LPIN2: variants seen among roughly 807,000 people sequenced by gnomAD.
The protein encoded by LPIN2 is phosphatidate phosphatase LPIN2.
In LPIN2, 55 loss-of-function variants were observed where a neutral mutation model predicts 111.4. That is an observed-to-expected ratio of 0.49 (90% CI 0.40 to 0.62). LPIN2 has a LOEUF of 0.62. Among genes scored for constraint, LPIN2 ranks in the 20% least tolerant of loss-of-function variants. LPIN2 has a pLI of 0.00. For missense variants in LPIN2, 992 were observed against 1,112.1 expected, an observed-to-expected ratio of 0.89 and a Z score of 1.54; for synonymous variants, 425 against 414.0, an observed-to-expected ratio of 1.03 and a Z score of -0.32.
chr18:2,995,535 T>C (rs532716381), intron 1 of LPIN2, among the ~76,000 whole-genome samples: 2 of 152,356 alleles, frequency 1.3e-5, no homozygotes, highest in East Asian at 1.9e-4. Context: ...ATTCCACTGA[T>C]ACACCACTGT....
At chr18:2,968,998 A>G (rs2077858347) in intron 1 of LPIN2, among the ~76,000 whole-genome samples, 1 of 152,224 alleles carries the variant, frequency 6.6e-6, no homozygotes, top group Non-Finnish European at 1.5e-5. Flanking sequence ...TGACTGTTGC[A>G]TGAACCAACT....
chr18:2,942,436 T>C (rs747182586), intron 4 of LPIN2, among the ~76,000 whole-genome samples: 23 of 152,180 alleles, frequency 1.5e-4, no homozygotes, highest in Non-Finnish European at 3.2e-4. Flanking sequence ...GTGAAAGTGG[T>C]CTGAAAAGAA....
intron 1 of LPIN2, among the ~76,000 whole-genome samples, chr18:2,999,701 T>A (rs1182934059): frequency 4.4e-4 from 67 of 151,544 alleles, no homozygotes. Context: ...GGGTGATGCA[T>A]CTGCAAGCCA....
rs371197584 is a variant in LPIN2, at chr18:2,937,812, G to A, written c.1048C>T (p.Leu350Phe). 11 of 1,614,126 alleles carry A rather than the reference G, an allele frequency of 6.8e-6. No individual in the cohort carries two copies. The highest frequency in any genetic ancestry group is 1.7e-5 in the Admixed American group (1 of 60,022). ...TSVAELLEPP[L>F]ESTQISSMLD... is the part of the protein sequence containing the mutation. ...ATAGATGAAATCTGAGTACTCTCAA[G>A]AGGAGGTTCGAGAAGCTCTGCCACA... The change falls in exon 7 of 20, where the codon CTT (leucine) becomes TTT (phenylalanine). Residue 350 changes from leucine (L) to phenylalanine (F), a missense_variant. Physicochemically the swap from Leu to Phe is conservative, Grantham distance 22. Transcript: ENST00000677752.
At chr18:2,958,001 G>T (rs1327503642) in intron 2 of LPIN2, among the ~76,000 whole-genome samples, 1 of 151,024 alleles carries the variant, frequency 6.6e-6, no homozygotes, top group Non-Finnish European at 1.5e-5. Flanking sequence ...AAGCAGCCAG[G>T]CGTGGTAGCA....
intron 2 of LPIN2, among the ~76,000 whole-genome samples, chr18:2,956,629 C>A (rs1240274200): frequency 6.6e-6 from 1 of 152,172 alleles, no homozygotes; most frequent in Non-Finnish European, 1.5e-5. Context: ...CAAACTGGGA[C>A]AATCTGAGCA....
intron 12 of LPIN2, 57 bp from the exon 13 acceptor site, chr18:2,926,862 G>T: frequency 7.4e-7 from 1 of 1,356,270 alleles, no homozygotes; most frequent in Non-Finnish European, 1.0e-6. Flanking sequence ...GATAAGCCAA[G>T]TTCATCAGCA....
chr18:2,995,972 T>C (rs2078334347), intron 1 of LPIN2, among the ~76,000 whole-genome samples: 1 of 152,216 alleles, frequency 6.6e-6, no homozygotes, highest in Non-Finnish European at 1.5e-5. Flanking sequence ...AGCTTCCTTA[T>C]TACATGTGTA....
chr18:2,967,386 T>C (rs1321037394), intron 1 of LPIN2, among the ~76,000 whole-genome samples: 1 of 152,094 alleles, frequency 6.6e-6, no homozygotes, highest in Non-Finnish European at 1.5e-5. Context: ...CCAATATGAA[T>C]CTGGGGGGGA....
intron 1 of LPIN2, chr18:2,990,784 G>A: frequency 2.6e-6 from 1 of 379,022 alleles, no homozygotes; most frequent in South Asian, 2.1e-5. Context: ...GAGCCTGACT[G>A]ACAAAATAAG....
In LPIN2 at chr18:2,924,409, C is replaced by T. The variant is rs781016213; in HGVS notation, c.2076G>A (p.Gly692=). Residue 692 remains glycine (G), a synonymous_variant, in exon 15 of 20, where the codon GGG becomes GGA. Coordinates refer to ENST00000677752, the MANE Select transcript of LPIN2 (RefSeq NM_001375808.2). ...AGGATTGAGCTTACTTGGTTATTGT[C>T]CCATCAATATCAGAAATGATGATCT... ...NDKIIISDID[G]TITKSDALGQ... is the part of the protein sequence containing the mutation. 6.2e-7 allele frequency: 1 copy of T among 1,614,154 alleles called. No homozygotes were observed. The highest frequency in any genetic ancestry group is 1.1e-5 in the South Asian group (1 of 91,078).
In LPIN2 at chr18:2,934,529, A is replaced by G. The variant is rs187730930; in HGVS notation, c.1169-79T>C. 3.4e-6 allele frequency: 3 copies of G among 892,778 alleles called. No individual in the cohort carries two copies. The Admixed American group carries it at 5.4e-5, about 16-fold the overall frequency. The allele number at this position is 892,778 out of a possible 1,614,324, so 55.3% of individuals were successfully genotyped here. The stretch of plus-strand genomic sequence containing the variant: ...CTGCAAAACACACGCACGTTTGCAA[A>G]CAGTAAGAGTGACAAGCAGGATTTG... On this transcript the variant is annotated intron_variant, in intron 7 of 19. Coordinates refer to ENST00000677752, the MANE Select transcript of LPIN2 (RefSeq NM_001375808.2).
chr18:2,934,329 C>T (rs888837277), intron 8 of LPIN2, 22 bp downstream of exon 8: 2 of 1,479,034 alleles, frequency 1.4e-6, no homozygotes, highest in Non-Finnish European at 1.9e-6. Context: ...AGCTGTCCTT[C>T]AATAAATAAG....
chr18:3,004,545 T>C (rs1185786316), intron 1 of LPIN2, among the ~76,000 whole-genome samples: 1 of 152,134 alleles, frequency 6.6e-6, no homozygotes, highest in Non-Finnish European at 1.5e-5. Flanking sequence ...TAAGGATCCT[T>C]CTACTCACAG....
intron 2 of LPIN2, among the ~76,000 whole-genome samples, chr18:2,958,606 G>A (rs1366652383): frequency 1.3e-5 from 2 of 152,090 alleles, no homozygotes; most frequent in African/African-American, 4.8e-5. Context: ...TAAATCAAAT[G>A]GCCAAATTTC....
chr18:2,920,616 TCAAA>T (rs1311257302), intron 19 of LPIN2, among the ~76,000 whole-genome samples, 158 bp downstream of exon 19: 1 of 152,066 alleles, frequency 6.6e-6, no homozygotes, highest in African/African-American at 2.4e-5. Flanking sequence ...CAGAGACCCC[TCAAA>T]CAGATATTGT....
At chr18:2,960,080 G>A (rs533002866) in intron 2 of LPIN2, among the ~76,000 whole-genome samples, 3 of 152,016 alleles carry the variant, frequency 2.0e-5, no homozygotes, top group Non-Finnish European at 4.4e-5. Context: ...TGAGGCAGGA[G>A]AATCGCTTGA....
chr18:2,994,567 G>A (rs1218695425), intron 1 of LPIN2, among the ~76,000 whole-genome samples: 1 of 152,120 alleles, frequency 6.6e-6, no homozygotes, highest in Non-Finnish European at 1.5e-5. Flanking sequence ...CTCAAATCAG[G>A]GTAAATGGGA....
chr18:3,007,596 A>G (rs2078536452), intron 1 of LPIN2, among the ~76,000 whole-genome samples: 1 of 152,242 alleles, frequency 6.6e-6, no homozygotes, highest in Admixed American at 6.5e-5. Context: ...AACAAAAGAT[A>G]TATTATATCC....
Sources: gnomAD v4.1 joint callset for allele counts (sites outside exome capture counted in the v4.1 genomes callset) on GRCh38, gnomAD v4.1.1 for gene constraint, MANE v1.5 for transcripts, NCBI Gene and HGNC (gene_info 2026-07-23, HGNC 2026-07-21) for gene names.